Variants in TPD52 observed in about 807,000 individuals in gnomAD.
The protein encoded by TPD52 is tumor protein D52.
TPD52 carries 17 observed loss-of-function variants against 31.3 expected under a neutral mutation model. The ratio of observed to expected loss-of-function variants is 0.54; its 90% CI spans 0.37 to 0.82. The LOEUF is 0.82. TPD52 is among the 40% of genes least tolerant of loss of function. TPD52 has a pLI of 0.00. For missense variants in TPD52, 212 were observed against 240.1 expected (o/e 0.88, Z 0.77); for synonymous variants, 83 against 89.6 (o/e 0.93, Z 0.42).
chr8:80,136,474 A>C (rs1399237742), intron 1 of TPD52, among the ~76,000 whole-genome samples: 1 of 138,576 alleles, frequency 7.2e-6, no homozygotes, highest in African/African-American at 2.6e-5. Flanking sequence ...CAGTGAGCTG[A>C]GATCACGCCA....
At chr8:80,113,713 T>TA (rs1173613177) in intron 1 of TPD52, among the ~76,000 whole-genome samples, 2 of 151,678 alleles carry the variant, frequency 1.3e-5, no homozygotes, top group African/African-American at 2.4e-5. Context: ...ATGTGGGAGC[T>TA]AAAAAAAATG....
At chr8:80,082,107 C>T (rs902905109) in intron 1 of TPD52, among the ~76,000 whole-genome samples, 1 of 149,722 alleles carries the variant, frequency 6.7e-6, no homozygotes, top group Non-Finnish European at 1.5e-5. Flanking sequence ...CGTGCCCGGA[C>T]TATGGTAAGT....
At chr8:80,090,574 G>A (rs1816181346) in intron 1 of TPD52, among the ~76,000 whole-genome samples, 1 of 152,118 alleles carries the variant, frequency 6.6e-6, no homozygotes, top group South Asian at 2.1e-4. Context: ...TTAAAAATAT[G>A]TGGCAGTTTT....
chr8:80,167,743 C>CT (rs1309193602), intron 1 of TPD52, among the ~76,000 whole-genome samples: 4 of 152,272 alleles, frequency 2.6e-5, no homozygotes, highest in East Asian at 3.9e-4. Flanking sequence ...TTGTGTTATT[C>CT]TTTTTTTGAA....
intron 3 of TPD52, 185 bp downstream of exon 3, chr8:80,053,097 G>A: frequency 1.9e-6 from 1 of 529,114 alleles, no homozygotes; most frequent in Non-Finnish European, 3.2e-6. Flanking sequence ...TAGAATAAGT[G>A]GTCTGGAAAA....
intron 1 of TPD52, among the ~76,000 whole-genome samples, chr8:80,068,533 T>A (rs1813414165): frequency 6.6e-6 from 1 of 152,228 alleles, no homozygotes; most frequent in Non-Finnish European, 1.5e-5. Flanking sequence ...TTATTAACAT[T>A]TTAGCCATTG....
At chr8:80,073,747 A>T (rs938233116) in intron 1 of TPD52, among the ~76,000 whole-genome samples, 2 of 152,166 alleles carry the variant, frequency 1.3e-5, no homozygotes, top group African/African-American at 4.8e-5. Flanking sequence ...TTGCATTCTC[A>T]CTTCACTGTT....
chr8:80,165,133 T>C (rs1021564338), intron 1 of TPD52, among the ~76,000 whole-genome samples: 15 of 152,122 alleles, frequency 9.9e-5, no homozygotes, highest in African/African-American at 3.4e-4. Flanking sequence ...AAACTACCTT[T>C]ATATTAAATA....
At chr8:80,092,222 C>G (rs1816329326) in intron 1 of TPD52, among the ~76,000 whole-genome samples, 1 of 152,178 alleles carries the variant, frequency 6.6e-6, no homozygotes, top group African/African-American at 2.4e-5. Context: ...TTGTTGTTAA[C>G]TATGGTCATC....
At chr8:80,111,851 T>C (rs1807516707) in intron 1 of TPD52, among the ~76,000 whole-genome samples, 1 of 152,364 alleles carries the variant, frequency 6.6e-6, no homozygotes, top group South Asian at 2.1e-4. Flanking sequence ...GCCTCAGTTT[T>C]CTCACCTGTA....
chr8:80,060,795 C>G (rs1438025422), intron 2 of TPD52, among the ~76,000 whole-genome samples: 1 of 147,034 alleles, frequency 6.8e-6, no homozygotes, highest in Non-Finnish European at 1.5e-5. Context: ...CCCACTAAAA[C>G]TAGGAATAAA....
intron 1 of TPD52, among the ~76,000 whole-genome samples, chr8:80,106,453 T>C (rs1319229177): frequency 6.6e-6 from 1 of 150,794 alleles, no homozygotes; most frequent in Non-Finnish European, 1.5e-5. Context: ...GCCTCCCGGG[T>C]TCACGCCATT....
downstream of TPD52, among the ~76,000 whole-genome samples, chr8:80,031,287 T>C (rs1809687315): frequency 6.6e-6 from 1 of 152,220 alleles, no homozygotes; most frequent in South Asian, 2.1e-4. Context: ...TCTCTAATGG[T>C]ACAGATAGTG....
At chr8:80,031,342 A>G (rs944956351), downstream of TPD52, among the ~76,000 whole-genome samples, 2 of 152,248 alleles carry the variant, frequency 1.3e-5, no homozygotes, top group African/African-American at 4.8e-5. Flanking sequence ...GCACAATTGT[A>G]TGAATCACAT....
chr8:80,133,581 A>T (rs1351126779), intron 1 of TPD52, among the ~76,000 whole-genome samples: 1 of 152,046 alleles, frequency 6.6e-6, no homozygotes, highest in Admixed American at 6.6e-5. Flanking sequence ...CCACCCACTC[A>T]CTGAGCCAGA....
intron 1 of TPD52, 167 bp downstream of exon 1, chr8:80,171,258 C>A (rs1180647426): frequency 9.2e-6 from 8 of 866,364 alleles, no homozygotes; most frequent in Non-Finnish European, 1.5e-5. Context: ...CTTCCAGGGC[C>A]CCAGGATGCC....
Position 80,171,467 on chromosome 8 carries a change from C to G in TPD52, c.-24G>C, listed in dbSNP as rs1812097555. On this transcript the variant is annotated 5_prime_UTR_variant, in exon 1 of 8. Transcript: ENST00000518937. ...ATGTCTCCAGCCCGCCGCCTCGTGT[C>G]CTCTGCAGCACCCCCGCCTGCAGCC... 2 of 1,577,972 alleles carry G rather than the reference C, an allele frequency of 1.3e-6. No homozygotes were observed. Among genetic ancestry groups the G allele is most frequent in the Non-Finnish European group, 1.7e-6 (2 of 1,172,704 alleles).
chr8:80,103,480 G>A lies in TPD52; in HGVS notation c.20-38887C>T, dbSNP rs376305463. ...CTACCCCATTCACAAACTGCTGAAT[G>A]CTCAACTAAACTGCTGAAAATGTAA... On this transcript the variant is annotated intron_variant, in intron 1 of 7. Coordinates refer to ENST00000518937, the MANE Select transcript of TPD52 (RefSeq NM_001025253.3). 3.3e-5 allele frequency among the ~76,000 whole-genome samples: 5 copies of A among 152,334 alleles called. No homozygotes were observed. In the East Asian group the frequency reaches 7.7e-4, roughly 23 times the overall value.
chr8:80,154,751 AC>A (rs386419936), intron 1 of TPD52, among the ~76,000 whole-genome samples: 2,588 of 115,084 alleles, frequency 0.022, 85 homozygotes, highest in African/African-American at 0.074. Flanking sequence ...ACACACACAC[AC>A]AAAACACCTA....
Sources: allele counts gnomAD v4.1 joint callset (sites outside exome capture counted in the v4.1 genomes callset), GRCh38; gene constraint gnomAD v4.1.1; transcripts MANE v1.5; gene names NCBI Gene and HGNC (gene_info 2026-07-23, HGNC 2026-07-21).